The following TMPRSS15 variants were observed in gnomAD, a reference collection of about 807,000 sequenced individuals.
TMPRSS15 encodes enteropeptidase.
TMPRSS15 carries 128 observed loss-of-function variants against 125.3 expected under a neutral mutation model. The ratio of observed to expected loss-of-function variants is 1.02; its 90% CI spans 0.89 to 1.18. TMPRSS15 has a LOEUF of 1.18. Ranked by LOEUF, TMPRSS15 falls within the 50% of genes most tolerant of loss-of-function variation. The pLI, the probability that TMPRSS15 is intolerant of heterozygous loss-of-function variation, is 0.00. For synonymous variants in TMPRSS15, 446 were observed against 423.2 expected (o/e 1.05, Z -0.66); for missense variants, 1,283 against 1,212.7 (o/e 1.06, Z -0.86).
intron 19 of TMPRSS15, among the ~76,000 whole-genome samples, chr21:18,296,279 T>C (rs565761559): frequency 1.4e-4 from 22 of 152,324 alleles, no homozygotes; most frequent in African/African-American, 5.1e-4. Flanking sequence ...AAGGGCATTT[T>C]CAAAAACACC....
intron 14 of TMPRSS15, among the ~76,000 whole-genome samples, chr21:18,331,022 G>A (rs1178176077): frequency 6.9e-6 from 1 of 144,232 alleles, no homozygotes; most frequent in Non-Finnish European, 1.5e-5. Context: ...GCAGTGAGCC[G>A]AGATCGCACC....
intron 1 of TMPRSS15, among the ~76,000 whole-genome samples, chr21:18,455,101 T>G (rs943070478): frequency 6.6e-6 from 1 of 151,954 alleles, no homozygotes; most frequent in African/African-American, 2.4e-5. Flanking sequence ...TTTATAAGGG[T>G]TTTTTTCCTT....
chr21:18,281,808 A>C (rs909346014), intron 21 of TMPRSS15, among the ~76,000 whole-genome samples: 1 of 152,120 alleles, frequency 6.6e-6, no homozygotes, highest in Non-Finnish European at 1.5e-5. Flanking sequence ...ATATAGTTAA[A>C]GTAAACAAGC....
upstream of TMPRSS15, among the ~76,000 whole-genome samples, chr21:18,404,335 T>C (rs906321105): frequency 6.6e-6 from 1 of 152,244 alleles, no homozygotes; most frequent in Non-Finnish European, 1.5e-5. Flanking sequence ...TGTGCAGTTA[T>C]TAATGAATGG....
chr21:18,338,770 T>C (rs117638453), intron 13 of TMPRSS15, among the ~76,000 whole-genome samples: 1,757 of 151,992 alleles, frequency 0.012, 12 homozygotes, highest in Non-Finnish European at 0.019. Context: ...CTGTCTCTAA[T>C]AGTATTTACT....
At chr21:18,442,423 A>G (rs900655400) in intron 1 of TMPRSS15, among the ~76,000 whole-genome samples, 1 of 152,026 alleles carries the variant, frequency 6.6e-6, no homozygotes, top group African/African-American at 2.4e-5. Flanking sequence ...CCTTACATAT[A>G]TTTTTCATTC....
chr21:18,286,757 C>G (rs7279594), intron 21 of TMPRSS15, among the ~76,000 whole-genome samples: 2 of 152,012 alleles, frequency 1.3e-5, no homozygotes, highest in Non-Finnish European at 2.9e-5. Context: ...TCCACATGGT[C>G]CCTCATCCTA....
chr21:18,452,007 CA>C (rs112582193), intron 1 of TMPRSS15, among the ~76,000 whole-genome samples: 7,521 of 151,852 alleles, frequency 0.05, 505 homozygotes, highest in African/African-American at 0.15. Flanking sequence ...TGGTTCAATT[CA>C]AAAAAAGATT....
At position 18,468,722 on chromosome 21, in the gene TMPRSS15, G is replaced by A. The variant is rs75506187; in HGVS notation, c.10+17077C>T. ...ATTGTTTTCTTTACCCACACCCAATGTTTCATTTATTTCATTTAGCAATAA... is the reference window on the plus strand; with the variant it reads ...ATTGTTTTCTTTACCCACACCCAATATTTCATTTATTTCATTTAGCAATAA... On this transcript the variant is annotated intron_variant, in intron 1 of 7. Coordinates refer to the TMPRSS15 transcript ENST00000422787. Among the ~76,000 whole-genome samples the A allele has an allele frequency of 4.0e-3, 608 of 152,174 alleles. 5 individuals are homozygous for A. The highest frequency in any genetic ancestry group is 0.022 in the South Asian group (105 of 4,828).
At chr21:18,452,263 A>C (rs139616112) in intron 1 of TMPRSS15, among the ~76,000 whole-genome samples, 32 of 152,332 alleles carry the variant, frequency 2.1e-4, no homozygotes, top group Admixed American at 6.5e-4. Context: ...TGTTAAAATT[A>C]GCACCACAAA....
chr21:18,386,266 A>G (rs62214997), intron 3 of TMPRSS15, among the ~76,000 whole-genome samples: 16,519 of 152,154 alleles, frequency 0.11, 972 homozygotes, highest in African/African-American at 0.13. Flanking sequence ...TATACAGCTT[A>G]TTAGTGTCAG....
chr21:18,332,819 A>T (rs2075358193), intron 13 of TMPRSS15, among the ~76,000 whole-genome samples: 1 of 152,236 alleles, frequency 6.6e-6, no homozygotes. Context: ...CGCTATTCAA[A>T]ATAGGAAAGA....
At chr21:18,272,854 T>TAAAC (rs1432445648) in intron 24 of TMPRSS15, among the ~76,000 whole-genome samples, 1 of 152,214 alleles carries the variant, frequency 6.6e-6, no homozygotes, top group Non-Finnish European at 1.5e-5. Context: ...TATTTATAAG[T>TAAAC]AAACATAAAA....
At position 18,358,786 on chromosome 21, in the gene TMPRSS15, A is replaced by G. The variant is rs112037263; in HGVS notation, c.880+971T>C. Among the ~76,000 whole-genome samples, 1,405 of 152,146 alleles carry G rather than the reference A, an allele frequency of 9.2e-3. 10 individuals carry two copies. The highest frequency in any genetic ancestry group is 0.031 in the Middle Eastern group (9 of 294). On this transcript the variant is annotated intron_variant, in intron 8 of 24. Coordinates refer to ENST00000284885, the MANE Select transcript of TMPRSS15 (RefSeq NM_002772.3). ...AGAAGAAAATGCACATTGATTATTCAGTAGAGTATCACACAACAATACCTA... is the reference window on the plus strand; with the variant it reads ...AGAAGAAAATGCACATTGATTATTCGGTAGAGTATCACACAACAATACCTA...
chr21:18,321,795 G>C (rs1298145383), intron 16 of TMPRSS15, among the ~76,000 whole-genome samples: 2 of 152,128 alleles, frequency 1.3e-5, no homozygotes, highest in African/African-American at 4.8e-5. Flanking sequence ...TTGCTTTTCA[G>C]TCTTTGGGTA....
intron 3 of TMPRSS15, among the ~76,000 whole-genome samples, chr21:18,390,275 AAC>A (rs1369120172): frequency 6.6e-6 from 1 of 152,178 alleles, no homozygotes; most frequent in Non-Finnish European, 1.5e-5. Context: ...TATTTCTTGT[AAC>A]AAAAAGTTAA....
In TMPRSS15 at chr21:18,326,681, G is replaced by A. The variant is rs2075294903; in HGVS notation, c.1781-109C>T. ...CCAGACGTAGGGCTACATGTTACAT[G>A]GCTCGCTCATAGAGCAGCCACAAGT... On this transcript the variant is annotated intron_variant, in intron 15 of 24. Coordinates refer to ENST00000284885, the MANE Select transcript of TMPRSS15 (RefSeq NM_002772.3). 9.2e-6 allele frequency: 12 copies of A among 1,302,508 alleles called. No homozygotes were observed. In the South Asian group the frequency reaches 1.5e-4, roughly 16 times the overall value. The allele number at this position is 1,302,508 out of a possible 1,614,324, so 80.7% of individuals were successfully genotyped here.
intron 19 of TMPRSS15, among the ~76,000 whole-genome samples, 162 bp downstream of exon 19, chr21:18,297,572 T>G (rs1439542454): frequency 6.6e-6 from 1 of 152,216 alleles, no homozygotes; most frequent in Non-Finnish European, 1.5e-5. Flanking sequence ...TATCAGATAT[T>G]AAATAGATAC....
At chr21:18,410,613 C>T (rs1170829917) in intron 1 of TMPRSS15, among the ~76,000 whole-genome samples, 1 of 150,920 alleles carries the variant, frequency 6.6e-6, no homozygotes, top group Non-Finnish European at 1.5e-5. Context: ...AAAAAAAGAG[C>T]CATGTTGAAT....
Sources: gnomAD v4.1 joint callset for allele counts (sites outside exome capture counted in the v4.1 genomes callset) on GRCh38, gnomAD v4.1.1 for gene constraint, MANE v1.5 for transcripts, NCBI Gene and HGNC (gene_info 2026-07-23, HGNC 2026-07-21) for gene names.